Variants in NR1I2 observed in about 807,000 individuals in gnomAD.
NR1I2 encodes the protein nuclear receptor subfamily 1 group I member 2.
In NR1I2, 42 loss-of-function variants were observed where a neutral mutation model predicts 43.3. The observed-to-expected ratio is 0.97, with a 90% CI of 0.76 to 1.26. NR1I2 has a LOEUF of 1.26. NR1I2 is among the 50% of genes most tolerant of loss of function. The pLI is 0.00. For missense variants in NR1I2, 559 were observed against 566.7 expected (o/e 0.99, Z 0.14); for synonymous variants, 229 against 215.0 (o/e 1.06, Z -0.57).
In NR1I2 at chr3:119,812,715, G is replaced by A; in HGVS notation, c.549G>A (p.Glu183=). Reference sequence around the variant, plus strand: ...CAGGGGTGCTTAGCAGTGGCTGCGAGTTGCCAGAGTCTCTGCAGGCCCCAT... The same window carrying A: ...CAGGGGTGCTTAGCAGTGGCTGCGAATTGCCAGAGTCTCTGCAGGCCCCAT... Residue 183 remains glutamate, a synonymous_variant, in exon 5 of 9, where the codon GAG becomes GAA. Transcript: ENST00000393716. The A allele has an allele frequency of 6.2e-7, 1 of 1,614,182 alleles. No homozygotes were observed. The highest frequency in any genetic ancestry group is 8.5e-7 in the Non-Finnish European group (1 of 1,180,042).
At chr3:119,797,238 GT>G (rs922669981) in intron 1 of NR1I2, among the ~76,000 whole-genome samples, 1 of 136,326 alleles carries the variant, frequency 7.3e-6, no homozygotes, top group Non-Finnish European at 1.6e-5. Context: ...TTCTTATGAA[GT>G]CCTAATGCTC....
chr3:119,807,373 C>T lies in NR1I2; in HGVS notation c.123C>T (p.Cys41=), dbSNP rs1371669965. 1 of 1,614,198 alleles carries T rather than the reference C, an allele frequency of 6.2e-7. No homozygotes were observed. Among genetic ancestry groups the T allele is most frequent in the Admixed American group, 1.7e-5 (1 of 60,026 alleles). ...AGGAAGTCGGAGGTCCCCAAATCTG[C>T]CGTGTATGTGGGGACAAGGCCACTG... Residue 41 remains cysteine, a synonymous_variant, in exon 2 of 9, where the codon TGC becomes TGT. Coordinates refer to ENST00000393716, the MANE Select transcript of NR1I2 (RefSeq NM_003889.4).
intron 7 of NR1I2, 77 bp from the exon 8 acceptor site, chr3:119,815,649 G>A (rs751397534): frequency 5.8e-5 from 77 of 1,325,298 alleles, no homozygotes; most frequent in Admixed American, 3.3e-4. Flanking sequence ...GGTGGTTGGC[G>A]AGCAATGCCC....
intron 1 of NR1I2, among the ~76,000 whole-genome samples, chr3:119,784,865 C>G (rs1178848367): frequency 6.6e-6 from 1 of 152,020 alleles, no homozygotes; most frequent in Non-Finnish European, 1.5e-5. Flanking sequence ...ATAATGTTTA[C>G]CTTTTCTACT....
chr3:119,817,811 A>G lies in NR1I2; in HGVS notation c.*599A>G, dbSNP rs2055351243. 1.0e-6 allele frequency: 1 copy of G among 999,316 alleles called. No individual in the cohort carries two copies. Among genetic ancestry groups the G allele is most frequent in the South Asian group, 4.4e-5 (1 of 22,936 alleles). The allele number at this position is 999,316 out of a possible 1,614,324, so 61.9% of individuals were successfully genotyped here. On this transcript the variant is annotated 3_prime_UTR_variant, in exon 9 of 9. Coordinates refer to ENST00000393716, the MANE Select transcript of NR1I2 (RefSeq NM_003889.4). The stretch of plus-strand genomic sequence containing the variant: ...CACCAAATGTCAGAAGCTTGGCATG[A>G]CCTCATTCCGGCCACATCATTCTGT...
intron 1 of NR1I2, among the ~76,000 whole-genome samples, chr3:119,799,797 T>A (rs1218584661): frequency 1.3e-5 from 2 of 152,042 alleles, no homozygotes; most frequent in African/African-American, 4.8e-5. Flanking sequence ...CTGGCCAACA[T>A]GGTGAAACCC....
In NR1I2 at chr3:119,792,319, ATG is replaced by A. The variant is rs1255551919; in HGVS notation, c.-23+10023_-23+10024del. 11 of 1,442,812 alleles carry A rather than the reference ATG, an allele frequency of 7.6e-6. 1 individual carries two copies. The African/African-American group carries it at 1.4e-4, about 18-fold the overall frequency. The allele number at this position is 1,442,812 out of a possible 1,614,324, so 89.4% of individuals were successfully genotyped here. A position where few individuals can be genotyped will look rare whatever the true frequency, so the allele number is the denominator to read the frequency against. On this transcript the variant is annotated intron_variant, in intron 1 of 8. Transcript: ENST00000393716. Reference sequence around the variant, plus strand: ...GCCACCTTTGGGCTCATCCTGGATGATGTGTCTTTGACACATCTGACCTTCAG... The same window carrying A: ...GCCACCTTTGGGCTCATCCTGGATGATGTCTTTGACACATCTGACCTTCAG...
At chr3:119,810,365 T>G in intron 3 of NR1I2, 171 bp downstream of exon 3, 4 of 984,972 alleles carry the variant, frequency 4.1e-6, no homozygotes, top group Non-Finnish European at 5.9e-6. Context: ...GGGGGAGCGC[T>G]TGCAGTCGGC....
At chr3:119,792,513 T>C in intron 1 of NR1I2, 1 of 1,081,070 alleles carries the variant, frequency 9.3e-7, no homozygotes, top group Non-Finnish European at 1.4e-6. Flanking sequence ...ATCACCAATC[T>C]GCCGGCAGGG....
chr3:119,798,043 C>T (rs536592848), intron 1 of NR1I2, among the ~76,000 whole-genome samples: 11 of 151,954 alleles, frequency 7.2e-5, no homozygotes, highest in Non-Finnish European at 1.0e-4. Flanking sequence ...AGCAATTTTA[C>T]GATGTGTGGG....
chr3:119,804,841 C>T (rs1385958685), intron 1 of NR1I2, among the ~76,000 whole-genome samples: 2 of 152,008 alleles, frequency 1.3e-5, no homozygotes, highest in East Asian at 1.9e-4. Flanking sequence ...AACTTTTTTC[C>T]TTCCATTTTT....
intron 1 of NR1I2, among the ~76,000 whole-genome samples, chr3:119,788,914 A>C (rs2054881394): frequency 6.6e-6 from 1 of 152,156 alleles, no homozygotes; most frequent in Non-Finnish European, 1.5e-5. Flanking sequence ...CCCTGCTACT[A>C]CTGCAAGTGT....
At chr3:119,784,907 T>C (rs964490591) in intron 1 of NR1I2, among the ~76,000 whole-genome samples, 5 of 152,174 alleles carry the variant, frequency 3.3e-5, no homozygotes, top group Admixed American at 2.6e-4. Flanking sequence ...AGAAAATCTA[T>C]TTTGTGTTTT....
intron 2 of NR1I2, 86 bp from the exon 3 acceptor site, chr3:119,809,975 G>A: frequency 6.4e-7 from 1 of 1,561,546 alleles, no homozygotes; most frequent in Non-Finnish European, 8.8e-7. Flanking sequence ...GGTAGGGGCT[G>A]GGGAGGGAGG....
chr3:119,811,659 T>C lies in NR1I2; in HGVS notation c.452T>C (p.Ile151Thr), dbSNP rs1419412608. The C allele has an allele frequency of 1.9e-6, 3 of 1,613,966 alleles. No homozygotes were observed. The highest frequency in any genetic ancestry group is 2.5e-6 in the Non-Finnish European group (3 of 1,179,954). Residue 151 changes from isoleucine to threonine, a missense_variant, in exon 4 of 9, where the codon ATC becomes ACC. Physicochemically the swap from Ile to Thr is moderately conservative, Grantham distance 89 (BLOSUM62 -1). This residue lies in a region of NR1I2 where 232 missense variants were observed against 236.6 expected (regional missense o/e 0.98). Coordinates refer to ENST00000393716, the MANE Select transcript of NR1I2 (RefSeq NM_003889.4). ...CTGACAGAGGAGCAGCGGATGATGATCAGGGAGCTGATGGACGCTCAGATG... is the reference window on the plus strand; with the variant it reads ...CTGACAGAGGAGCAGCGGATGATGACCAGGGAGCTGATGGACGCTCAGATG...
At chr3:119,782,737 C>T (rs2054791461) in intron 1 of NR1I2, 1 of 1,605,668 alleles carries the variant, frequency 6.2e-7, no homozygotes, top group Non-Finnish European at 8.5e-7. Flanking sequence ...CTGGCAGCCC[C>T]CTGAGGCCAA....
rs557965633 is a variant in NR1I2 at position 119,811,469 on chromosome 3, A to G, written c.332-70A>G. 158 of 1,466,960 alleles carry G rather than the reference A, an allele frequency of 1.1e-4. 1 individual carries two copies. In the African/African-American group the frequency reaches 2.0e-3, roughly 19 times the overall value. The allele number at this position is 1,466,960 out of a possible 1,614,324, so 90.9% of individuals were successfully genotyped here. ...TTCTGCTGCCTTGAGAGGGTTACACAGTGGCTCTCCAGGGGGCTGGAGGCT... is the reference window on the plus strand; with the variant it reads ...TTCTGCTGCCTTGAGAGGGTTACACGGTGGCTCTCCAGGGGGCTGGAGGCT... On this transcript the variant is annotated intron_variant, in intron 3 of 8. Transcript: ENST00000393716.
intron 2 of NR1I2, 79 bp downstream of exon 2, chr3:119,807,526 TC>T: frequency 1.6e-6 from 2 of 1,235,738 alleles, no homozygotes; most frequent in Non-Finnish European, 2.4e-6. Flanking sequence ...GCTTGACCTG[TC>T]CCCCAGGTTC....
intron 1 of NR1I2, among the ~76,000 whole-genome samples, chr3:119,792,973 T>A (rs1438191942): frequency 6.6e-6 from 1 of 152,134 alleles, no homozygotes; most frequent in Non-Finnish European, 1.5e-5. Flanking sequence ...CCCTCATGAC[T>A]GGTTTGGTAC....
Sources: gnomAD v4.1 joint callset for allele counts (sites outside exome capture counted in the v4.1 genomes callset) on GRCh38, gnomAD v4.1.1 for gene constraint, gnomAD v4.1.1 regional missense constraint, MANE v1.5 for transcripts, NCBI Gene and HGNC (gene_info 2026-07-23, HGNC 2026-07-21) for gene names.